The following ROS1 variants were observed in gnomAD, a reference collection of about 807,000 sequenced individuals.
ROS1 encodes ROS proto-oncogene 1, receptor tyrosine kinase.
Under a neutral mutation model 273.5 loss-of-function variants are expected in ROS1, and 263 were observed. That is an observed-to-expected ratio of 0.96 (90% CI 0.87 to 1.06). The LOEUF (loss-of-function observed/expected upper bound fraction) is 1.06, where lower values mean the gene tolerates loss of function less well. Ranked by LOEUF, ROS1 falls within the 50% of genes least tolerant of loss-of-function variation. The probability of loss-of-function intolerance (pLI) is 0.00; values close to 1 mark genes in which losing one functional copy is unlikely to be tolerated. For synonymous variants in ROS1, 1,008 were observed against 954.1 expected, an observed-to-expected ratio of 1.06 and a Z score of -1.04; for missense variants, 2,833 against 2,751.1, an observed-to-expected ratio of 1.03 and a Z score of -0.67.
intron 43 of ROS1, among the ~76,000 whole-genome samples, chr6:117,294,405 A>C (rs1429668116): frequency 1.3e-5 from 2 of 151,792 alleles, no homozygotes; most frequent in Non-Finnish European, 3.0e-5. Context: ...GATTCCACAA[A>C]ATGTGTCTTC....
intron 33 of ROS1, 133 bp from the exon 34 acceptor site, chr6:117,326,547 C>T (rs1443237913): frequency 8.9e-6 from 5 of 560,474 alleles, no homozygotes; most frequent in Non-Finnish European, 1.5e-5. Flanking sequence ...TCATTCCTCT[C>T]CCATAATCTG....
rs139106304 is a variant in ROS1 at position 117,310,963 on chromosome 6, A to G, written c.6215+57T>C. ...TTATCTTGTGTGCTTTACCTGCACTACAGGTGATTATTGTGCCAATATCCG... is the reference window on the plus strand; with the variant it reads ...TTATCTTGTGTGCTTTACCTGCACTGCAGGTGATTATTGTGCCAATATCCG... On this transcript the variant is annotated intron_variant, in intron 40 of 43. Transcript: ENST00000368507. 4.3e-4 allele frequency: 453 copies of G among 1,041,596 alleles called. 2 individuals are homozygous for G. Among genetic ancestry groups the G allele is most frequent in the African/African-American group, 4.2e-4 (26 of 62,498 alleles). 64.5% of individuals were successfully genotyped at this position (1,041,596 alleles called of 1,614,324 possible).
chr6:117,393,472 C>T (rs773169815), intron 11 of ROS1, 151 bp from the exon 12 acceptor site: 42 of 591,204 alleles, frequency 7.1e-5, no homozygotes, highest in South Asian at 4.3e-4. Context: ...AGCCCTTAAA[C>T]GACAGTTTTA....
At position 117,326,736 on chromosome 6, in the gene ROS1, T is replaced by C. The variant is rs561387152; in HGVS notation, c.5349-322A>G. Among the ~76,000 whole-genome samples the C allele has an allele frequency of 3.7e-4, 57 of 152,316 alleles. 1 individual carries two copies. Among genetic ancestry groups the C allele is most frequent in the African/African-American group, 1.3e-3 (54 of 41,576 alleles). ...GAATTCCAAACCTATAAGACAATTA[T>C]TCCATGATTTTTAACTGGGAAGTTT... On this transcript the variant is annotated intron_variant, in intron 33 of 43. Transcript: ENST00000368507.
chr6:117,377,339 G>C (rs1188758933), intron 18 of ROS1, among the ~76,000 whole-genome samples: 1 of 152,042 alleles, frequency 6.6e-6, no homozygotes, highest in Non-Finnish European at 1.5e-5. Flanking sequence ...TCGAACTCCT[G>C]ACCTTAGGCT....
intron 27 of ROS1, among the ~76,000 whole-genome samples, chr6:117,346,253 C>T (rs1269497047): frequency 6.6e-6 from 1 of 151,544 alleles, no homozygotes; most frequent in Non-Finnish European, 1.5e-5. Context: ...TTTTCCCTTA[C>T]ATTTTTTTTT....
chr6:117,369,637 T>G (rs965460785), intron 18 of ROS1, among the ~76,000 whole-genome samples: 1 of 152,156 alleles, frequency 6.6e-6, no homozygotes, highest in South Asian at 2.1e-4. Context: ...TGGACTATGA[T>G]CCTTCAGGAC....
Position 117,362,799 on chromosome 6 carries a change from T to A in ROS1, c.3170A>T (p.Glu1057Val). 6.2e-7 allele frequency: 1 copy of A among 1,613,646 alleles called. No homozygotes were observed. Among genetic ancestry groups the A allele is most frequent in the Non-Finnish European group, 8.5e-7 (1 of 1,179,674 alleles). The change falls in exon 22 of 44, where the codon GAA (glutamate) becomes GTA (valine). Residue 1057 changes from glutamate to valine, a missense_variant. By Grantham distance (121) the Glu-to-Val change is moderately radical. Transcript: ENST00000368507. The part of the protein sequence containing the change: ...LPSGKCCNKN[E>V]VVVEFRWNKP... ...GTTCCACCTAAATTCCACCACAACT[T>A]CATTCTTGTTGCAGCATTTTCCACT...
chr6:117,297,870 G>T (rs1774373424), intron 43 of ROS1, among the ~76,000 whole-genome samples: 1 of 152,058 alleles, frequency 6.6e-6, no homozygotes, highest in South Asian at 2.1e-4. Flanking sequence ...CCATTACTAG[G>T]TATCTATCCA....
intron 33 of ROS1, among the ~76,000 whole-genome samples, chr6:117,327,460 C>G (rs1776723987): frequency 6.6e-6 from 1 of 152,130 alleles, no homozygotes; most frequent in African/African-American, 2.4e-5. Context: ...TGAAGTGGCT[C>G]TACACAATGG....
At chr6:117,352,931 T>C in intron 27 of ROS1, 59 bp downstream of exon 27, 1 of 1,488,354 alleles carries the variant, frequency 6.7e-7, no homozygotes, top group Non-Finnish European at 9.3e-7. Flanking sequence ...GGAGATGTTA[T>C]GAGATTTTTC....
rs539415910 is a variant in ROS1 at position 117,303,703 on chromosome 6, T to A, written c.6552-2566A>T. Among the ~76,000 whole-genome samples the A allele has an allele frequency of 2.0e-5, 3 of 152,256 alleles. No homozygotes were observed. In the East Asian group the frequency reaches 5.8e-4, roughly 29 times the overall value. On this transcript the variant is annotated intron_variant, in intron 42 of 43. Coordinates refer to ENST00000368507, the MANE Select transcript of ROS1 (RefSeq NM_001378902.1). ...TTTTTAAGCGGACATAATCTTTACA[T>A]TTTTTAAGGATTATTCTAGCAGATA...
chr6:117,389,783 C>A lies in ROS1; in HGVS notation c.1353G>T (p.Arg451=). Residue 451 remains arginine, a synonymous_variant, in exon 13 of 44, where the codon CGG becomes CGT. Coordinates refer to ENST00000368507, the MANE Select transcript of ROS1 (RefSeq NM_001378902.1). ...YRADLPVPSG[R]CAEAVRIVES... ...CCACAATACGCACAGCTTCTGCACA[C>A]CGGCCAGATGGTACAGGAAGGTCTG... The A allele has an allele frequency of 6.2e-7, 1 of 1,614,138 alleles. No individual in the cohort carries two copies. The highest frequency in any genetic ancestry group is 8.5e-7 in the Non-Finnish European group (1 of 1,179,992).
chr6:117,365,795 C>A, intron 19 of ROS1, 54 bp from the exon 20 acceptor site: 3 of 1,329,424 alleles, frequency 2.3e-6, no homozygotes, highest in Non-Finnish European at 2.0e-6. Context: ...GATTATTGAC[C>A]AATATAGAAA....
intron 33 of ROS1, chr6:117,328,717 C>A (rs2128590772): frequency 1.6e-6 from 1 of 612,244 alleles, no homozygotes; most frequent in Non-Finnish European, 3.2e-6. Flanking sequence ...TGAAATCAGT[C>A]CTTCTAAGCC....
intron 35 of ROS1, among the ~76,000 whole-genome samples, chr6:117,322,563 C>T (rs1339121659): frequency 6.6e-6 from 1 of 152,166 alleles, no homozygotes; most frequent in Admixed American, 6.6e-5. Context: ...TACATTTTCC[C>T]CTACTCCCAG....
intron 18 of ROS1, among the ~76,000 whole-genome samples, chr6:117,369,010 T>C (rs1288570124): frequency 6.6e-6 from 1 of 152,216 alleles, no homozygotes; most frequent in Non-Finnish European, 1.5e-5. Flanking sequence ...CTAGAATATT[T>C]ATAATTACAT....
In ROS1 at chr6:117,321,258, C is replaced by T. The variant is rs1442415789; in HGVS notation, c.5759+1G>A. ...CCATAATGATGGCCAAAGCTACATA[C>T]TGTATTGCATAGCAGGCATTAGCCA... On this transcript the variant is annotated splice_donor_variant, in intron 36 of 43. Coordinates refer to ENST00000368507, the MANE Select transcript of ROS1 (RefSeq NM_001378902.1). LOFTEE classifies it high-confidence loss of function. 8.7e-6 allele frequency: 14 copies of T among 1,612,840 alleles called. No individual in the cohort carries two copies. The highest frequency in any genetic ancestry group is 1.3e-5 in the African/African-American group (1 of 74,882).
intron 43 of ROS1, among the ~76,000 whole-genome samples, chr6:117,293,084 C>CT (rs1773959123): frequency 6.6e-6 from 1 of 152,162 alleles, no homozygotes; most frequent in Non-Finnish European, 1.5e-5. Context: ...CTCAGCTTCT[C>CT]TTTTTCATAC....
Sources: gnomAD v4.1 joint callset for allele counts (sites outside exome capture counted in the v4.1 genomes callset) on GRCh38, gnomAD v4.1.1 for gene constraint, MANE v1.5 for transcripts, NCBI Gene and HGNC (gene_info 2026-07-23, HGNC 2026-07-21) for gene names.